GRIK2: variants seen among roughly 807,000 people sequenced by gnomAD.
GRIK2 encodes glutamate ionotropic receptor kainate type subunit 2, also known as glutamate receptor ionotropic, kainate 2.
GRIK2 carries 32 observed loss-of-function variants against 100.3 expected under a neutral mutation model. That is an observed-to-expected ratio of 0.32 (90% CI 0.24 to 0.43). The LOEUF (loss-of-function observed/expected upper bound fraction) is 0.43, where lower values mean the gene tolerates loss of function less well. GRIK2 is among the 20% of genes least tolerant of loss of function. The pLI is 1.00. For missense variants in GRIK2, 843 were observed against 1,114.9 expected (o/e 0.76, Z 3.47); for synonymous variants, 417 against 389.4 (o/e 1.07, Z -0.83).
intron 7 of GRIK2, among the ~76,000 whole-genome samples, chr6:101,758,634 T>G (rs1777289227): frequency 6.6e-6 from 1 of 152,102 alleles, no homozygotes; most frequent in Non-Finnish European, 1.5e-5. Context: ...TAACAGTTCA[T>G]AAAACAGTAA....
At chr6:101,498,676 G>A (rs557738240) in intron 2 of GRIK2, among the ~76,000 whole-genome samples, 355 of 151,720 alleles carry the variant, frequency 2.3e-3, no homozygotes, top group Middle Eastern at 6.8e-3. Context: ...CTTTTGAGAA[G>A]TGTCTGTTCA....
intron 14 of GRIK2, among the ~76,000 whole-genome samples, chr6:102,015,589 CT>C: frequency 6.6e-6 from 1 of 152,162 alleles, no homozygotes; most frequent in Non-Finnish European, 1.5e-5. Flanking sequence ...CGGCCAACAC[CT>C]GTACAGAGGC....
At chr6:101,784,184 C>A (rs1419645638) in intron 7 of GRIK2, among the ~76,000 whole-genome samples, 1 of 152,162 alleles carries the variant, frequency 6.6e-6, no homozygotes, top group Non-Finnish European at 1.5e-5. Flanking sequence ...GCCCAGAGGC[C>A]TAGGAGGGAA....
chr6:101,674,054 C>A (rs1770642494), intron 4 of GRIK2, among the ~76,000 whole-genome samples: 1 of 152,076 alleles, frequency 6.6e-6, no homozygotes. Context: ...TTTTCTGACT[C>A]ACCTTTATGA....
chr6:101,626,012 T>C (rs1200662405), intron 3 of GRIK2, among the ~76,000 whole-genome samples: 2 of 152,282 alleles, frequency 1.3e-5, no homozygotes, highest in African/African-American at 2.4e-5. Flanking sequence ...ATGTAAAAAC[T>C]GTTCAGTGAA....
intron 2 of GRIK2, among the ~76,000 whole-genome samples, chr6:101,470,488 G>A (rs796773596): frequency 4.6e-5 from 7 of 152,242 alleles, no homozygotes; most frequent in African/African-American, 1.4e-4. Context: ...AATGAGAAGC[G>A]AAATGCCTGT....
intron 11 of GRIK2, among the ~76,000 whole-genome samples, chr6:101,873,801 G>A (rs2128449560): frequency 6.6e-6 from 1 of 152,054 alleles, no homozygotes. Flanking sequence ...ACTGGTGTGA[G>A]ATGGTATCTC....
intron 4 of GRIK2, among the ~76,000 whole-genome samples, chr6:101,657,835 A>C (rs1456350212): frequency 6.6e-6 from 1 of 152,112 alleles, no homozygotes; most frequent in Non-Finnish European, 1.5e-5. Context: ...GAAATAAATA[A>C]TAGAGAATGC....
At chr6:101,942,372 C>T (rs1330407501) in intron 14 of GRIK2, among the ~76,000 whole-genome samples, 1 of 152,096 alleles carries the variant, frequency 6.6e-6, no homozygotes, top group Non-Finnish European at 1.5e-5. Flanking sequence ...GATACCTGAA[C>T]ATGTGGAAGC....
chr6:102,020,793 T>C (rs1446776135), intron 14 of GRIK2, among the ~76,000 whole-genome samples: 1 of 151,792 alleles, frequency 6.6e-6, no homozygotes, highest in Non-Finnish European at 1.5e-5. Flanking sequence ...ACCGTGACAT[T>C]TTTCAAAAAG....
intron 13 of GRIK2, 56 bp downstream of exon 13, chr6:101,924,775 G>T: frequency 1.9e-6 from 2 of 1,079,664 alleles, no homozygotes; most frequent in Non-Finnish European, 1.4e-6. Context: ...CTTTGCTGGG[G>T]GTGACAGCTC....
intron 14 of GRIK2, among the ~76,000 whole-genome samples, chr6:101,955,824 T>C (rs1300902154): frequency 1.3e-5 from 2 of 152,110 alleles, no homozygotes; most frequent in South Asian, 4.1e-4. Context: ...TTGTAAGTAT[T>C]GTTGATCTTT....
chr6:101,595,086 TAAC>T lies in GRIK2; in HGVS notation c.116-26862_116-26860del, dbSNP rs1194339687. Among the ~76,000 whole-genome samples, 3 of 151,598 alleles carry T rather than the reference TAAC, an allele frequency of 2.0e-5. No individual in the cohort carries two copies. In the South Asian group the frequency reaches 6.2e-4, roughly 31 times the overall value. On this transcript the variant is annotated intron_variant, in intron 2 of 16. Transcript: ENST00000369134. ...AAGTAGGCATTCATAGACTTTTCAA[TAAC>T]TTTTAAAATTCTAAAAAGTTTAGAA... is the stretch of plus-strand genomic sequence containing the variant.
intron 11 of GRIK2, among the ~76,000 whole-genome samples, chr6:101,865,872 CAGTG>C (rs1261884390): frequency 8.4e-5 from 12 of 143,170 alleles, no homozygotes; most frequent in African/African-American, 3.1e-4. Context: ...CTGGGCAACA[CAGTG>C]AGACCCCGTC....
Position 101,548,132 on chromosome 6 carries a change from C to T in GRIK2, c.116-73817C>T, listed in dbSNP as rs550156261. Among the ~76,000 whole-genome samples, 1,038 of 152,184 alleles carry T rather than the reference C, an allele frequency of 6.8e-3. 16 individuals carry two copies. The highest frequency in any genetic ancestry group is 0.024 in the African/African-American group (990 of 41,520). ...ATAAATGTCTTCTTTTGAGAAGTGT[C>T]TGTTCATATCCTTCGCCCACTTTTT... On this transcript the variant is annotated intron_variant, in intron 2 of 16. Coordinates refer to ENST00000369134, the MANE Select transcript of GRIK2 (RefSeq NM_021956.5).
chr6:101,469,841 A>C (rs1014301167), intron 2 of GRIK2, among the ~76,000 whole-genome samples: 3 of 152,170 alleles, frequency 2.0e-5, no homozygotes, highest in Non-Finnish European at 4.4e-5. Context: ...TTGGGGATTT[A>C]ATCTTCATCT....
At chr6:101,967,753 C>T (rs953689669) in intron 14 of GRIK2, among the ~76,000 whole-genome samples, 7 of 152,104 alleles carry the variant, frequency 4.6e-5, no homozygotes, top group Admixed American at 4.6e-4. Flanking sequence ...ACCAGAATCT[C>T]ATTCATGTTT....
chr6:101,890,276 C>G (rs1786958945), intron 12 of GRIK2: 2 of 156,126 alleles, frequency 1.3e-5, no homozygotes, highest in Non-Finnish European at 2.8e-5. Flanking sequence ...TTTAAGGAAC[C>G]AAGACATTTA....
At chr6:101,742,667 G>T (rs1202527631) in intron 7 of GRIK2, among the ~76,000 whole-genome samples, 1 of 152,178 alleles carries the variant, frequency 6.6e-6, no homozygotes, top group African/African-American at 2.4e-5. Flanking sequence ...TTGACAATTG[G>T]CTGAGTTTGT....
Sources: gnomAD v4.1 joint callset for allele counts (sites outside exome capture counted in the v4.1 genomes callset) on GRCh38, gnomAD v4.1.1 for gene constraint, MANE v1.5 for transcripts, NCBI Gene and HGNC (gene_info 2026-07-23, HGNC 2026-07-21) for gene names.